The following GPBP1L1 variants were observed in gnomAD, a reference collection of about 807,000 sequenced individuals.
GPBP1L1 encodes the protein GC-rich promoter binding protein 1 like 1.
A neutral mutation model predicts 52.5 loss-of-function variants in GPBP1L1; 23 were observed. That is an observed-to-expected ratio of 0.44 (90% CI 0.32 to 0.62). The LOEUF is 0.62. Ranked by LOEUF, GPBP1L1 falls within the 20% of genes least tolerant of loss-of-function variation. The pLI is 0.06. For missense variants in GPBP1L1, 596 were observed against 579.3 expected (o/e 1.03, Z -0.30); for synonymous variants, 243 against 203.1 (o/e 1.20, Z -1.67).
chr1:45,668,201 T>C (rs770308436), intron 2 of GPBP1L1, among the ~76,000 whole-genome samples: 10 of 152,152 alleles, frequency 6.6e-5, no homozygotes, highest in Non-Finnish European at 1.5e-4. Flanking sequence ...AACTAGTATA[T>C]GATAGGCATA....
intron 2 of GPBP1L1, among the ~76,000 whole-genome samples, chr1:45,666,339 T>C (rs959269861): frequency 1.3e-5 from 2 of 152,110 alleles, no homozygotes; most frequent in African/African-American, 4.8e-5. Flanking sequence ...AGAGACGGGG[T>C]TTCACCATAT....
Position 45,652,980 on chromosome 1 carries a change from T to C in GPBP1L1, c.477+1563A>G, listed in dbSNP as rs868296686. Among the ~76,000 whole-genome samples the C allele has an allele frequency of 1.2e-4, 18 of 152,352 alleles. 1 individual carries two copies. In the Middle Eastern group the frequency reaches 0.024, roughly 202 times the overall value. On this transcript the variant is annotated intron_variant, in intron 6 of 12. Transcript: ENST00000355105. Reference sequence around the variant, plus strand: ...AAGATTACATTTGAAATTGTAGTAATTTCTGGACTATTTGTTATCTAGAAC... The same window carrying C: ...AAGATTACATTTGAAATTGTAGTAACTTCTGGACTATTTGTTATCTAGAAC...
chr1:45,638,998 A>G (rs1644632868), intron 8 of GPBP1L1, among the ~76,000 whole-genome samples: 1 of 152,104 alleles, frequency 6.6e-6, no homozygotes, highest in Non-Finnish European at 1.5e-5. Flanking sequence ...TGACCAAGGC[A>G]TTTCTGTATG....
intron 2 of GPBP1L1, among the ~76,000 whole-genome samples, chr1:45,667,103 G>C (rs566955587): frequency 6.6e-6 from 1 of 152,156 alleles, no homozygotes; most frequent in African/African-American, 2.4e-5. Flanking sequence ...AAAGGTTCTG[G>C]AACTACATAG....
intron 10 of GPBP1L1, among the ~76,000 whole-genome samples, chr1:45,632,640 C>T (rs1407017866): frequency 2.0e-5 from 3 of 152,048 alleles, no homozygotes; most frequent in Admixed American, 6.6e-5. Flanking sequence ...CGCTTGAACC[C>T]GGGAAGCGGA....
At chr1:45,634,030 C>A in intron 9 of GPBP1L1, 66 bp downstream of exon 9, 1 of 1,477,568 alleles carries the variant, frequency 6.8e-7, no homozygotes, top group Non-Finnish European at 9.2e-7. Flanking sequence ...ACATATTACA[C>A]TTGTTATCTA....
chr1:45,651,306 G>A (rs1427518171), intron 6 of GPBP1L1: 6 of 386,988 alleles, frequency 1.6e-5, no homozygotes, highest in African/African-American at 8.4e-5. Flanking sequence ...CCCATTTTAC[G>A]ACACAGGGCA....
chr1:45,640,516 G>T, intron 7 of GPBP1L1, 113 bp from the exon 8 acceptor site: 1 of 812,090 alleles, frequency 1.2e-6, no homozygotes, highest in South Asian at 1.6e-5. Context: ...GAGACAGAGG[G>T]ATTAAACATT....
chr1:45,648,095 C>A (rs1007646179), intron 6 of GPBP1L1, among the ~76,000 whole-genome samples: 5 of 152,092 alleles, frequency 3.3e-5, no homozygotes, highest in Admixed American at 2.0e-4. Context: ...GTACCCACCA[C>A]GTCCAGCTAA....
At chr1:45,669,863 A>G (rs1188765170) in intron 2 of GPBP1L1, among the ~76,000 whole-genome samples, 2 of 151,668 alleles carry the variant, frequency 1.3e-5, no homozygotes, top group Non-Finnish European at 2.9e-5. Flanking sequence ...ATCCATAAAA[A>G]TGAAAAACAT....
intron 2 of GPBP1L1, among the ~76,000 whole-genome samples, chr1:45,677,602 T>A (rs1645162757): frequency 7.2e-6 from 1 of 139,068 alleles, no homozygotes; most frequent in Non-Finnish European, 1.6e-5. Flanking sequence ...CTGTAGTGGC[T>A]AGGAAAAGAA....
At chr1:45,678,932 C>T (rs1421628841) in intron 2 of GPBP1L1, among the ~76,000 whole-genome samples, 1 of 152,158 alleles carries the variant, frequency 6.6e-6, no homozygotes, top group African/African-American at 2.4e-5. Context: ...TGCACTTAGA[C>T]TACAATCTGG....
At chr1:45,649,854 A>G (rs2148460324) in intron 6 of GPBP1L1, among the ~76,000 whole-genome samples, 1 of 152,162 alleles carries the variant, frequency 6.6e-6, no homozygotes, top group South Asian at 2.1e-4. Flanking sequence ...GCAACCATAA[A>G]ACCATTCTGA....
intron 8 of GPBP1L1, among the ~76,000 whole-genome samples, chr1:45,637,961 G>GT (rs888495141): frequency 6.6e-6 from 1 of 152,212 alleles, no homozygotes; most frequent in Non-Finnish European, 1.5e-5. Flanking sequence ...GCTCAAGGAC[G>GT]TAAGATGAAG....
At chr1:45,656,794 T>C (rs1217152319) in intron 4 of GPBP1L1, among the ~76,000 whole-genome samples, 6 of 151,928 alleles carry the variant, frequency 3.9e-5, no homozygotes, top group Non-Finnish European at 5.9e-5. Context: ...GCCTCCCAAG[T>C]AGCTGAGATG....
At position 45,628,074 on chromosome 1, in the gene GPBP1L1, A is replaced by T. The variant is rs980793757; in HGVS notation, c.*182T>A. On this transcript the variant is annotated 3_prime_UTR_variant, in exon 13 of 13. Coordinates refer to ENST00000355105, the MANE Select transcript of GPBP1L1 (RefSeq NM_021639.5). ...ACACAAACTTCTCTCTATAAAGCAG[A>T]TAACAGGGAAGAACAATAACAAAAG... 1 of 628,778 alleles carries T rather than the reference A, an allele frequency of 1.6e-6. No homozygotes were observed. The highest frequency in any genetic ancestry group is 1.8e-5 in the African/African-American group (1 of 54,978). 38.9% of individuals were successfully genotyped at this position (628,778 alleles called of 1,614,324 possible). A position where few individuals can be genotyped will look rare whatever the true frequency, so the allele number is the denominator to read the frequency against.
At chr1:45,673,685 C>T (rs1402689294) in intron 2 of GPBP1L1, among the ~76,000 whole-genome samples, 3 of 152,128 alleles carry the variant, frequency 2.0e-5, no homozygotes, top group Non-Finnish European at 4.4e-5. Flanking sequence ...TATGGTGAAA[C>T]CCCATCTCTA....
intron 2 of GPBP1L1, among the ~76,000 whole-genome samples, chr1:45,667,084 G>A (rs1285348272): frequency 6.6e-6 from 1 of 152,182 alleles, no homozygotes; most frequent in Non-Finnish European, 1.5e-5. Flanking sequence ...AATTTAGTTT[G>A]GGGTAAGAAA....
chr1:45,643,832 G>A (rs888683782), intron 6 of GPBP1L1, among the ~76,000 whole-genome samples: 3 of 151,838 alleles, frequency 2.0e-5, no homozygotes, highest in African/African-American at 4.8e-5. Flanking sequence ...ACCACACCCA[G>A]CTAATTTTTG....
Sources: gnomAD v4.1 joint callset for allele counts (sites outside exome capture counted in the v4.1 genomes callset) on GRCh38, gnomAD v4.1.1 for gene constraint, MANE v1.5 for transcripts, NCBI Gene and HGNC (gene_info 2026-07-23, HGNC 2026-07-21) for gene names.